The following CNGB3 variants were observed in gnomAD, a reference collection of about 807,000 sequenced individuals.
The protein encoded by CNGB3 is cyclic nucleotide gated channel subunit beta 3, also known as cyclic nucleotide-gated channel beta-3.
In CNGB3, 86 loss-of-function variants were observed where a neutral mutation model predicts 92.8. The ratio of observed to expected loss-of-function variants is 0.93; its 90% confidence interval spans 0.78 to 1.11. The LOEUF (loss-of-function observed/expected upper bound fraction) is 1.11. Ranked by LOEUF, CNGB3 falls within the 50% of genes least tolerant of loss-of-function variation. The pLI, the probability that CNGB3 is intolerant of heterozygous loss-of-function variation, is 0.00. For synonymous variants in CNGB3, 333 were observed against 332.7 expected (o/e 1.00, Z -0.01); for missense variants, 1,026 against 956.8 (o/e 1.07, Z -0.95).
chr8:86,707,780 A>G (rs1291514390), intron 3 of CNGB3: 1 of 152,272 alleles, frequency 6.6e-6, no homozygotes, highest in Non-Finnish European at 1.5e-5. Flanking sequence ...TGCAATAGCT[A>G]TGTGAGAGAG....
intron 6 of CNGB3, chr8:86,659,480 A>T: frequency 1.6e-6 from 1 of 608,522 alleles, no homozygotes; most frequent in Non-Finnish European, 3.0e-6. Flanking sequence ...TTCTCTTCTA[A>T]TTCTGAGTTC....
intron 15 of CNGB3, among the ~76,000 whole-genome samples, chr8:86,581,073 T>C (rs1821754561): frequency 6.6e-6 from 1 of 152,198 alleles, no homozygotes. Context: ...GTTTTAGCTC[T>C]GACAGGTTAA....
intron 14 of CNGB3, among the ~76,000 whole-genome samples, chr8:86,610,657 A>G (rs748401439): frequency 1.4e-4 from 21 of 152,136 alleles, no homozygotes; most frequent in Non-Finnish European, 2.5e-4. Flanking sequence ...TGAACTCACC[A>G]AGGTGTTGGA....
At chr8:86,619,149 C>T (rs1822675366) in intron 13 of CNGB3, among the ~76,000 whole-genome samples, 1 of 152,168 alleles carries the variant, frequency 6.6e-6, no homozygotes, top group Non-Finnish European at 1.5e-5. Context: ...GAACTGGGGG[C>T]TGTTTCTAAA....
In CNGB3 at chr8:86,739,746, A is replaced by G. The variant is rs1285706038; in HGVS notation, c.130-10T>C. 2.5e-6 allele frequency: 4 copies of G among 1,613,088 alleles called. No individual in the cohort carries two copies. Among genetic ancestry groups the G allele is most frequent in the Non-Finnish European group, 1.7e-6 (2 of 1,179,860 alleles). On this transcript the variant is annotated splice_polypyrimidine_tract_variant and intron_variant, in intron 1 of 17. Transcript: ENST00000320005. ...CACCTTTGTTTTCTTCCTTTGAGAA[A>G]AAACATAGAGATTGTATGTGATGAA...
chr8:86,625,772 C>T (rs1161925215), intron 13 of CNGB3, among the ~76,000 whole-genome samples: 1 of 151,454 alleles, frequency 6.6e-6, no homozygotes, highest in Non-Finnish European at 1.5e-5. Context: ...TTTTTGACAC[C>T]AATTAGAAGA....
intron 15 of CNGB3, chr8:86,594,476 A>G (rs996798718): frequency 1.0e-5 from 3 of 293,466 alleles, no homozygotes; most frequent in Non-Finnish European, 2.0e-5. Context: ...GACGTGGTCC[A>G]GGAGGGGACC....
intron 3 of CNGB3, among the ~76,000 whole-genome samples, chr8:86,684,673 GA>G (rs1290224309): frequency 7.5e-6 from 1 of 132,936 alleles, no homozygotes; most frequent in Non-Finnish European, 1.6e-5. Context: ...AAAAAAAAAG[GA>G]ATAAACTCTT....
intron 3 of CNGB3, among the ~76,000 whole-genome samples, chr8:86,713,843 G>A (rs1402532037): frequency 1.3e-5 from 2 of 151,656 alleles, no homozygotes; most frequent in South Asian, 2.1e-4. Context: ...TATTCTTTCC[G>A]ACTTAAAAAA....
At chr8:86,609,093 T>G (rs2131563517) in intron 14 of CNGB3, among the ~76,000 whole-genome samples, 1 of 152,310 alleles carries the variant, frequency 6.6e-6, no homozygotes, top group East Asian at 1.9e-4. Context: ...CTGATGTTTT[T>G]GTTATTGAGT....
intron 8 of CNGB3, among the ~76,000 whole-genome samples, chr8:86,647,300 A>T (rs1193919310): frequency 2.0e-5 from 3 of 150,956 alleles, no homozygotes; most frequent in Admixed American, 1.3e-4. Flanking sequence ...AGTAAATGTG[A>T]TGTGAAAGTA....
At chr8:86,689,510 T>TA (rs1491276830) in intron 3 of CNGB3, among the ~76,000 whole-genome samples, 2 of 148,904 alleles carry the variant, frequency 1.3e-5, no homozygotes, top group Admixed American at 6.7e-5. Flanking sequence ...TATATATATA[T>TA]TTTTTTTACT....
At chr8:86,713,334 C>T (rs1467609328) in intron 3 of CNGB3, among the ~76,000 whole-genome samples, 4 of 152,114 alleles carry the variant, frequency 2.6e-5, no homozygotes, top group African/African-American at 9.7e-5. Context: ...TCTGCTCATG[C>T]CTAGAACCCA....
intron 6 of CNGB3, chr8:86,659,058 G>C (rs1823576339): frequency 1.1e-6 from 1 of 891,528 alleles, no homozygotes; most frequent in African/African-American, 1.6e-5. Flanking sequence ...CACCTCAGAG[G>C]GCCCTGCTGG....
At chr8:86,657,470 G>T in intron 6 of CNGB3, 2 of 518,178 alleles carry the variant, frequency 3.9e-6, no homozygotes, top group Admixed American at 2.0e-5. Flanking sequence ...GTGCTCCTGG[G>T]GGTTCTGCAT....
chr8:86,717,549 G>A (rs1252783133), intron 3 of CNGB3, among the ~76,000 whole-genome samples: 1 of 120,152 alleles, frequency 8.3e-6, no homozygotes, highest in Non-Finnish European at 1.7e-5. Context: ...GTGACAGAGT[G>A]AGACTCTGTC....
chr8:86,613,315 T>C (rs1378441195), intron 13 of CNGB3, among the ~76,000 whole-genome samples: 1 of 152,240 alleles, frequency 6.6e-6, no homozygotes, highest in East Asian at 1.9e-4. Flanking sequence ...AAAGGCATGG[T>C]TCTTTTTTAC....
At chr8:86,742,373 A>G (rs1253385682) in intron 1 of CNGB3, among the ~76,000 whole-genome samples, 1 of 152,122 alleles carries the variant, frequency 6.6e-6, no homozygotes, top group East Asian at 1.9e-4. Flanking sequence ...AGTCAAGGGC[A>G]CTCTCTCGAA....
chr8:86,595,002 G>A (rs780340191), intron 15 of CNGB3, among the ~76,000 whole-genome samples: 2 of 152,092 alleles, frequency 1.3e-5, no homozygotes, highest in Non-Finnish European at 2.9e-5. Flanking sequence ...GATTACAGGC[G>A]TGAGCCACCG....
Sources: gnomAD v4.1 joint callset for allele counts (sites outside exome capture counted in the v4.1 genomes callset) on GRCh38, gnomAD v4.1.1 for gene constraint, MANE v1.5 for transcripts, NCBI Gene and HGNC (gene_info 2026-07-23, HGNC 2026-07-21) for gene names.